The following CERKL variants were observed in gnomAD, a reference collection of about 807,000 sequenced individuals.
The protein encoded by CERKL is CERK like autophagy regulator.
In CERKL, 61 loss-of-function variants were observed where a neutral mutation model predicts 63.4. That is an observed-to-expected ratio of 0.96 (90% CI 0.78 to 1.19). CERKL has a LOEUF of 1.19. Ranked by LOEUF, CERKL falls within the 50% of genes most tolerant of loss-of-function variation. The probability of loss-of-function intolerance (pLI) is 0.00; values close to 1 mark genes in which losing one functional copy is unlikely to be tolerated. For synonymous variants in CERKL, 250 were observed against 230.5 expected (o/e 1.08, Z -0.77); for missense variants, 675 against 655.5 (o/e 1.03, Z -0.33).
Position 181,558,526 on chromosome 2 carries a change from G to T in CERKL, c.820+40C>A. 1 of 1,605,090 alleles carries T rather than the reference G, an allele frequency of 6.2e-7. No homozygotes were observed. The highest frequency in any genetic ancestry group is 2.2e-5 in the East Asian group (1 of 44,796). The stretch of plus-strand genomic sequence containing the variant: ...TTAGCAAGTAAGAAAGGAAAAGAGG[G>T]AGAAGGGTCAGTTTAATGAATCTGT... On this transcript the variant is annotated intron_variant, in intron 5 of 12. Transcript: ENST00000410087. This position sits in a 1 kb window ranked among gnomAD's most constrained non-coding sequence, Gnocchi z 4.2.
At chr2:181,609,747 C>G (rs547278480) in intron 1 of CERKL, among the ~76,000 whole-genome samples, 2 of 151,402 alleles carry the variant, frequency 1.3e-5, no homozygotes, top group South Asian at 4.2e-4. Flanking sequence ...GAGTACACAC[C>G]CTATCAGATA....
At chr2:181,637,416 G>C (rs1687225608) in intron 1 of CERKL, among the ~76,000 whole-genome samples, 1 of 152,146 alleles carries the variant, frequency 6.6e-6, no homozygotes, top group Admixed American at 6.5e-5. Context: ...ATAAACGATA[G>C]TACATAATGG....
Position 181,547,764 on chromosome 2 carries a change from C to T in CERKL, c.1160-38G>A, listed in dbSNP as rs757135390. 1.9e-6 allele frequency: 3 copies of T among 1,613,630 alleles called. No homozygotes were observed. The South Asian group carries it at 3.3e-5, about 18-fold the overall frequency. The stretch of plus-strand genomic sequence containing the variant: ...AAAGTGATTGGTTATTTTCCCTCAC[C>T]AGAACAAAATGTCAACAGAACCTGG... On this transcript the variant is annotated intron_variant, in intron 9 of 12. Transcript: ENST00000410087.
chr2:181,657,083 C>T lies in CERKL; in HGVS notation c.-77G>A. 7.6e-7 allele frequency: 1 copy of T among 1,323,858 alleles called. No individual in the cohort carries two copies. Among genetic ancestry groups the T allele is most frequent in the South Asian group, 1.3e-5 (1 of 79,276 alleles). The allele number at this position is 1,323,858 out of a possible 1,614,324, so 82.0% of individuals were successfully genotyped here. On this transcript the variant is annotated 5_prime_UTR_variant, in exon 1 of 13. Coordinates refer to ENST00000410087, the MANE Select transcript of CERKL (RefSeq NM_201548.5). Reference sequence around the variant, plus strand: ...AAGGAGGTGGAGGGCGCGGCAGCCCCAGCTCTAGCCGCGTCCAGCGCTGCC... The same window carrying T: ...AAGGAGGTGGAGGGCGCGGCAGCCCTAGCTCTAGCCGCGTCCAGCGCTGCC...
chr2:181,561,801 A>G (rs1688458364), intron 4 of CERKL, among the ~76,000 whole-genome samples: 1 of 148,016 alleles, frequency 6.8e-6, no homozygotes, highest in Non-Finnish European at 1.5e-5. Flanking sequence ...CTTTATTTTT[A>G]TAATTTTTTA....
intron 10 of CERKL, among the ~76,000 whole-genome samples, chr2:181,546,936 G>A (rs145856238): frequency 0.011 from 1,610 of 152,266 alleles, 53 homozygotes; most frequent in Admixed American, 0.055. Flanking sequence ...CCCATGTGTT[G>A]TGGGAGAGAC....
chr2:181,584,816 G>GT (rs1401408174), intron 2 of CERKL, among the ~76,000 whole-genome samples: 2 of 150,518 alleles, frequency 1.3e-5, no homozygotes, highest in Admixed American at 6.6e-5. Flanking sequence ...TAGCTCCCCG[G>GT]TTTTTTTTGT....
chr2:181,616,544 C>T (rs1248115124), intron 1 of CERKL, among the ~76,000 whole-genome samples: 2 of 151,968 alleles, frequency 1.3e-5, no homozygotes, highest in Non-Finnish European at 2.9e-5. Flanking sequence ...AAAATACAGA[C>T]AATAAAAATG....
rs143476696 is a variant in CERKL at position 181,621,825 on chromosome 2, T to C, written c.239-17746A>G. 7.8e-4 allele frequency among the ~76,000 whole-genome samples: 119 copies of C among 152,340 alleles called. 2 individuals carry two copies. The East Asian group carries it at 0.021, about 27-fold the overall frequency. On this transcript the variant is annotated intron_variant, in intron 1 of 12. Transcript: ENST00000410087. ...CATCTTCTCCTCTGTGCTGTAATAC[T>C]GTCAGTTTTTTTTTAGAAAGATAAA...
intron 1 of CERKL, among the ~76,000 whole-genome samples, chr2:181,614,225 A>T (rs755368436): frequency 9.9e-5 from 15 of 152,236 alleles, no homozygotes; most frequent in Non-Finnish European, 1.5e-4. Flanking sequence ...AACTTCAGTG[A>T]AGGTTGAAGG....
At position 181,603,945 on chromosome 2, in the gene CERKL, A is replaced by G; in HGVS notation, c.373T>C (p.Cys125Arg). ...AGTTTATTTTGTTCCTTTTTCAAGC[A>G]GATGAAGAGTGTGATACCTAATAAA... ...GTLLGITLFI[C>R]LKKEQNKLKN... is the part of the protein sequence containing the mutation. Residue 125 changes from cysteine (C) to arginine (R), a missense_variant, in exon 2 of 13, where the codon TGC becomes CGC. Coordinates refer to ENST00000410087, the MANE Select transcript of CERKL (RefSeq NM_201548.5). 1 of 1,613,356 alleles carries G rather than the reference A, an allele frequency of 6.2e-7. No homozygotes were observed. The highest frequency in any genetic ancestry group is 8.5e-7 in the Non-Finnish European group (1 of 1,179,662).
intron 3 of CERKL, among the ~76,000 whole-genome samples, chr2:181,572,814 A>C (rs1688967875): frequency 8.1e-6 from 1 of 124,204 alleles, no homozygotes; most frequent in African/African-American, 3.3e-5. Context: ...TTCTACCTCA[A>C]TCCATCAGAT....
At chr2:181,631,815 TG>T (rs1686972343) in intron 1 of CERKL, among the ~76,000 whole-genome samples, 2 of 152,330 alleles carry the variant, frequency 1.3e-5, no homozygotes, top group South Asian at 2.1e-4. Context: ...GAGTTTATTC[TG>T]AGTTTCTCTA....
Position 181,537,041 on chromosome 2 carries a change from TGAG to T in CERKL, c.*1140_*1142del. Reference sequence around the variant, plus strand: ...ATGTTCTGAGATTTGCGAAGGCATTTGAGTAGTGAAATGTAAGCACAAAACCTC... The same window carrying T: ...ATGTTCTGAGATTTGCGAAGGCATTTTAGTGAAATGTAAGCACAAAACCTC... On this transcript the variant is annotated 3_prime_UTR_variant, in exon 13 of 13. Transcript: ENST00000410087. The T allele has an allele frequency of 2.2e-6, 1 of 444,792 alleles. No individual in the cohort carries two copies. The highest frequency in any genetic ancestry group is 4.5e-6 in the Non-Finnish European group (1 of 221,838). The allele number at this position is 444,792 out of a possible 1,614,324, so 27.6% of individuals were successfully genotyped here. A position where few individuals can be genotyped will look rare whatever the true frequency, so the allele number is the denominator to read the frequency against.
intron 1 of CERKL, among the ~76,000 whole-genome samples, chr2:181,646,702 T>A (rs1356749204): frequency 6.6e-6 from 1 of 152,174 alleles, no homozygotes; most frequent in African/African-American, 2.4e-5. Flanking sequence ...CTGGTGGTAT[T>A]ACAAAAACCA....
At chr2:181,595,079 A>T (rs1302223820) in intron 2 of CERKL, among the ~76,000 whole-genome samples, 2 of 152,188 alleles carry the variant, frequency 1.3e-5, no homozygotes, top group East Asian at 3.8e-4. Context: ...ATAATCCATT[A>T]TACTCTCATC....
intron 1 of CERKL, among the ~76,000 whole-genome samples, chr2:181,637,022 T>C (rs1480938068): frequency 6.6e-6 from 1 of 152,162 alleles, no homozygotes; most frequent in Non-Finnish European, 1.5e-5. Flanking sequence ...GCTCCCTAAA[T>C]GTTAGGAGGA....
At chr2:181,623,109 C>T (rs1361779376) in intron 1 of CERKL, among the ~76,000 whole-genome samples, 4 of 152,022 alleles carry the variant, frequency 2.6e-5, no homozygotes, top group Admixed American at 6.5e-5. Context: ...CTTGTATTTT[C>T]GATTCGTTCC....
At chr2:181,574,344 C>A (rs1689033546) in intron 2 of CERKL, among the ~76,000 whole-genome samples, 2 of 152,216 alleles carry the variant, frequency 1.3e-5, no homozygotes, top group South Asian at 4.1e-4. Context: ...AACGCCTGAC[C>A]TACTGATGAG....
Sources: allele counts gnomAD v4.1 joint callset (sites outside exome capture counted in the v4.1 genomes callset), GRCh38; gene constraint gnomAD v4.1.1; non-coding constraint Gnocchi (gnomAD v3.1); transcripts MANE v1.5; gene names NCBI Gene and HGNC (gene_info 2026-07-23, HGNC 2026-07-21).